TMEM132D: variants seen among roughly 807,000 people sequenced by gnomAD.
The protein encoded by TMEM132D is transmembrane protein 132D.
Under a neutral mutation model 62.3 loss-of-function variants are expected in TMEM132D, and 21 were observed. The ratio of observed to expected loss-of-function variants is 0.34; its 90% CI spans 0.24 to 0.49. The LOEUF (loss-of-function observed/expected upper bound fraction) is 0.49. Ranked by LOEUF, TMEM132D falls within the 20% of genes least tolerant of loss-of-function variation. The pLI is 0.99. For synonymous variants in TMEM132D, 621 were observed against 575.6 expected (o/e 1.08, Z -1.13); for missense variants, 1,346 against 1,402.8 (o/e 0.96, Z 0.65).
chr12:129,404,488 T>C (rs1297460379), intron 3 of TMEM132D, among the ~76,000 whole-genome samples: 2 of 152,210 alleles, frequency 1.3e-5, no homozygotes, highest in East Asian at 1.9e-4. Flanking sequence ...TGAGCCACCA[T>C]GCCCGGCCAA....
At chr12:129,526,166 G>A (rs1041702478) in intron 3 of TMEM132D, among the ~76,000 whole-genome samples, 2 of 152,164 alleles carry the variant, frequency 1.3e-5, no homozygotes, top group African/African-American at 4.8e-5. Context: ...ATAAAGTGAA[G>A]GAGGTAGTGA....
intron 1 of TMEM132D, among the ~76,000 whole-genome samples, chr12:129,703,460 CCTTT>C (rs201496488): frequency 0.052 from 2,510 of 48,168 alleles, 100 homozygotes; most frequent in East Asian, 0.31. Context: ...AGTGTCACTT[CCTTT>C]CTTTTTTTTT....
At chr12:129,793,283 T>C (rs11615538) in intron 1 of TMEM132D, among the ~76,000 whole-genome samples, 15,832 of 152,220 alleles carry the variant, frequency 0.1, 1,088 homozygotes, top group East Asian at 0.22. Flanking sequence ...GAGAATATAT[T>C]TGCAATTGGA....
At chr12:129,293,076 A>G (rs1364893422) in intron 4 of TMEM132D, among the ~76,000 whole-genome samples, 1 of 152,168 alleles carries the variant, frequency 6.6e-6, no homozygotes, top group East Asian at 1.9e-4. Flanking sequence ...ATCCAGAGAG[A>G]GAAATTGACA....
chr12:129,706,499 C>G (rs1048166152), intron 1 of TMEM132D, among the ~76,000 whole-genome samples: 3 of 151,872 alleles, frequency 2.0e-5, no homozygotes, highest in African/African-American at 7.2e-5. Context: ...TAACAAAAAT[C>G]TCTTAAAATT....
intron 5 of TMEM132D, among the ~76,000 whole-genome samples, chr12:129,172,624 G>C (rs1048636701): frequency 6.6e-6 from 1 of 152,132 alleles, no homozygotes; most frequent in Non-Finnish European, 1.5e-5. Flanking sequence ...TGTTGCCCAG[G>C]CTGGAGTGCA....
intron 4 of TMEM132D, among the ~76,000 whole-genome samples, chr12:129,263,385 C>T (rs80076922): frequency 0.02 from 3,012 of 152,226 alleles, 108 homozygotes; most frequent in African/African-American, 0.069. Context: ...TCACCAAATG[C>T]TATCTTATCT....
At chr12:129,324,977 C>G (rs552253381) in intron 4 of TMEM132D, among the ~76,000 whole-genome samples, 113 of 152,250 alleles carry the variant, frequency 7.4e-4, no homozygotes, top group African/African-American at 2.4e-3. Context: ...TGTTTGACTT[C>G]CACACTCATT....
intron 4 of TMEM132D, among the ~76,000 whole-genome samples, chr12:129,243,746 A>T (rs539321487): frequency 6.6e-6 from 1 of 152,236 alleles, no homozygotes; most frequent in East Asian, 1.9e-4. Flanking sequence ...CTTTAATGGG[A>T]TTTTCTTTAG....
chr12:129,390,788 T>C (rs545889140), intron 3 of TMEM132D, among the ~76,000 whole-genome samples: 1 of 152,300 alleles, frequency 6.6e-6, no homozygotes, highest in Non-Finnish European at 1.5e-5. Flanking sequence ...GGGTGCTGTA[T>C]GGAGAGGAGG....
At chr12:129,565,583 G>A (rs1259173135) in intron 2 of TMEM132D, among the ~76,000 whole-genome samples, 1 of 152,210 alleles carries the variant, frequency 6.6e-6, no homozygotes, top group Non-Finnish European at 1.5e-5. Context: ...GCTGAGAGGA[G>A]GGGGTCATTC....
chr12:129,095,794 C>G (rs1296572125), intron 5 of TMEM132D, among the ~76,000 whole-genome samples: 1 of 152,164 alleles, frequency 6.6e-6, no homozygotes, highest in Non-Finnish European at 1.5e-5. Flanking sequence ...CCCGCACACA[C>G]CTAATCTCTG....
chr12:129,343,247 T>C (rs1248135008), intron 3 of TMEM132D, among the ~76,000 whole-genome samples: 2 of 152,114 alleles, frequency 1.3e-5, no homozygotes, highest in African/African-American at 2.4e-5. Context: ...TATGCAGCCA[T>C]AAAAAATGAT....
chr12:129,276,839 G>C (rs1200525294), intron 4 of TMEM132D, among the ~76,000 whole-genome samples: 1 of 152,200 alleles, frequency 6.6e-6, no homozygotes, highest in Admixed American at 6.5e-5. Flanking sequence ...AGGCCAAACG[G>C]ATTTATTGTT....
At chr12:129,477,308 C>T (rs745718281) in intron 3 of TMEM132D, among the ~76,000 whole-genome samples, 3 of 152,132 alleles carry the variant, frequency 2.0e-5, no homozygotes, top group Non-Finnish European at 4.4e-5. Flanking sequence ...TTAAGACCCC[C>T]CTCCTCATCC....
At chr12:129,503,874 T>C (rs1303944691) in intron 3 of TMEM132D, among the ~76,000 whole-genome samples, 1 of 152,120 alleles carries the variant, frequency 6.6e-6, no homozygotes, top group Non-Finnish European at 1.5e-5. Flanking sequence ...CTCCTCCTCC[T>C]CATCTTCTTC....
At chr12:129,691,641 G>A (rs574075376) in intron 2 of TMEM132D, among the ~76,000 whole-genome samples, 2 of 152,016 alleles carry the variant, frequency 1.3e-5, no homozygotes, top group South Asian at 2.1e-4. Flanking sequence ...CCACAAAAAT[G>A]GTAAATATTT....
intron 1 of TMEM132D, among the ~76,000 whole-genome samples, chr12:129,725,625 G>A (rs1562938): frequency 0.82 from 124,235 of 152,224 alleles, 51,387 homozygotes; most frequent in Non-Finnish European, 0.9. Flanking sequence ...CACAGTGTAC[G>A]TATGTGTGCC....
intron 1 of TMEM132D, among the ~76,000 whole-genome samples, chr12:129,841,384 A>G (rs1266919206): frequency 6.6e-6 from 1 of 152,206 alleles, no homozygotes; most frequent in Non-Finnish European, 1.5e-5. Flanking sequence ...ATTAGATTGA[A>G]TGAGTTTTTA....
Sources: gnomAD v4.1 joint callset for allele counts (sites outside exome capture counted in the v4.1 genomes callset) on GRCh38, gnomAD v4.1.1 for gene constraint, MANE v1.5 for transcripts, NCBI Gene and HGNC (gene_info 2026-07-23, HGNC 2026-07-21) for gene names.